The following GABRG3 variants were observed in gnomAD, a reference collection of about 807,000 sequenced individuals.
GABRG3 encodes the protein gamma-aminobutyric acid type A receptor subunit gamma3.
GABRG3 carries 25 observed loss-of-function variants against 48.8 expected under a neutral mutation model. The observed-to-expected ratio is 0.51, with a 90% CI of 0.37 to 0.72. The LOEUF (loss-of-function observed/expected upper bound fraction) is 0.72. Ranked by LOEUF, GABRG3 falls within the 30% of genes least tolerant of loss-of-function variation. GABRG3 has a pLI of 0.00. For missense variants in GABRG3, 394 were observed against 577.9 expected (o/e 0.68, Z 3.26); for synonymous variants, 227 against 217.6 (o/e 1.04, Z -0.38).
intron 6 of GABRG3, among the ~76,000 whole-genome samples, chr15:27,502,121 C>T (rs1890656379): frequency 6.6e-6 from 1 of 152,076 alleles, no homozygotes; most frequent in South Asian, 2.1e-4. Flanking sequence ...AATTAGATGG[C>T]TTAGGTCAAA....
chr15:27,523,958 T>TA (rs369136552), intron 7 of GABRG3, among the ~76,000 whole-genome samples: 1 of 151,586 alleles, frequency 6.6e-6, no homozygotes, highest in East Asian at 1.9e-4. Context: ...AGAATGGGGC[T>TA]AAAAAAAATA....
intron 5 of GABRG3, among the ~76,000 whole-genome samples, chr15:27,437,250 A>G (rs1888647778): frequency 6.6e-6 from 1 of 152,170 alleles, no homozygotes; most frequent in South Asian, 2.1e-4. Flanking sequence ...ACATGATTCA[A>G]TTTATTTGGC....
At chr15:27,080,323 A>G (rs974104796) in intron 3 of GABRG3, among the ~76,000 whole-genome samples, 11 of 151,990 alleles carry the variant, frequency 7.2e-5, no homozygotes, top group Admixed American at 6.6e-4. Flanking sequence ...TTAGCTGAAT[A>G]TGGTGGTGTG....
intron 1 of GABRG3, among the ~76,000 whole-genome samples, chr15:26,971,829 C>A (rs970391268): frequency 3.3e-5 from 5 of 152,164 alleles, no homozygotes; most frequent in Non-Finnish European, 7.3e-5. Context: ...CGTCTCCTGA[C>A]GCTTTTAGGA....
intron 3 of GABRG3, among the ~76,000 whole-genome samples, chr15:27,028,065 A>G (rs1337892309): frequency 6.6e-6 from 1 of 152,196 alleles, no homozygotes; most frequent in Non-Finnish European, 1.5e-5. Context: ...CTTTAACTTT[A>G]GAATTTACTT....
Position 27,528,001 on chromosome 15 carries a change from A to G in GABRG3, c.1122+9A>G. On this transcript the variant is annotated intron_variant, in intron 9 of 9. Coordinates refer to ENST00000615808, the MANE Select transcript of GABRG3 (RefSeq NM_033223.5). ...GCCTACAAGCCCCTTCCGTACGTAT[A>G]GCATTGCAGGTGCCAATATTTCTGA... is the stretch of plus-strand genomic sequence containing the variant. The G allele has an allele frequency of 6.3e-7, 1 of 1,586,242 alleles. No individual in the cohort carries two copies. The highest frequency in any genetic ancestry group is 8.6e-7 in the Non-Finnish European group (1 of 1,162,388).
chr15:27,281,144 C>G (rs182332150), intron 3 of GABRG3, among the ~76,000 whole-genome samples: 1 of 152,094 alleles, frequency 6.6e-6, no homozygotes. Context: ...TTGATTAATG[C>G]TTGCATGATA....
rs1490284805 is a variant in GABRG3, at chr15:26,976,031, G to A, written c.54-971G>A. Among the ~76,000 whole-genome samples the A allele has an allele frequency of 6.6e-6, 1 of 152,030 alleles. No homozygotes were observed. The highest frequency in any genetic ancestry group is 6.6e-5 in the Admixed American group (1 of 15,262). ...CCCAAATAACTATGGTGTTGAGACGGCCTCACTCATTGAGAAAACCAGCTT... is the reference window on the plus strand; with the variant it reads ...CCCAAATAACTATGGTGTTGAGACGACCTCACTCATTGAGAAAACCAGCTT... On this transcript the variant is annotated intron_variant, in intron 1 of 9. Transcript: ENST00000615808. This position sits in a 1 kb window ranked among gnomAD's most constrained non-coding sequence, Gnocchi z 7.8.
rs1307955245 is a variant in GABRG3 at position 27,535,029 on chromosome 15, A to T, written c.*2148A>T. On this transcript the variant is annotated 3_prime_UTR_variant, in exon 10 of 10. Coordinates refer to ENST00000615808, the MANE Select transcript of GABRG3 (RefSeq NM_033223.5). The stretch of plus-strand genomic sequence containing the variant: ...CTATTGGAGAATTTCACACTCTGGT[A>T]CTCTAGTTCTGTCTCTCATGCATAA... 6.6e-6 allele frequency: 1 copy of T among 152,128 alleles called. No individual in the cohort carries two copies. Among genetic ancestry groups the T allele is most frequent in the Non-Finnish European group, 1.5e-5 (1 of 68,034 alleles). The allele number at this position is 152,128 out of a possible 1,614,324, so 9.4% of individuals were successfully genotyped here.
At chr15:27,402,806 A>T (rs1320958951) in intron 5 of GABRG3, among the ~76,000 whole-genome samples, 1 of 152,244 alleles carries the variant, frequency 6.6e-6, no homozygotes. Context: ...AGCAACTAAC[A>T]GGAGGAGAGC....
Position 27,539,434 on chromosome 15 carries a change from G to T in GABRG3, c.*6553G>T, listed in dbSNP as rs1358745049. On this transcript the variant is annotated 3_prime_UTR_variant, in exon 10 of 10. Coordinates refer to ENST00000615808, the MANE Select transcript of GABRG3 (RefSeq NM_033223.5). The stretch of plus-strand genomic sequence containing the variant: ...CTAAGCTGCTTCTCTAATCTAAGGA[G>T]GTCTATTCGAAAGGATAGTGCTTGA... 6.6e-6 allele frequency: 1 copy of T among 152,122 alleles called. No individual in the cohort carries two copies. Among genetic ancestry groups the T allele is most frequent in the Non-Finnish European group, 1.5e-5 (1 of 68,024 alleles). 9.4% of individuals were successfully genotyped at this position (152,122 alleles called of 1,614,324 possible).
At chr15:27,172,523 G>A (rs10519588) in intron 3 of GABRG3, among the ~76,000 whole-genome samples, 59,307 of 151,906 alleles carry the variant, frequency 0.39, 12,446 homozygotes, top group African/African-American at 0.54. Flanking sequence ...CTGCACTTTT[G>A]CAAATTAAAC....
chr15:26,998,060 A>C (rs554596374), intron 2 of GABRG3, among the ~76,000 whole-genome samples: 1 of 152,146 alleles, frequency 6.6e-6, no homozygotes, highest in East Asian at 1.9e-4. Flanking sequence ...TTTTTCTCCA[A>C]TTGCTCCTGG....
intron 3 of GABRG3, among the ~76,000 whole-genome samples, chr15:27,144,153 A>G (rs963389347): frequency 3.3e-5 from 5 of 152,210 alleles, no homozygotes; most frequent in African/African-American, 1.2e-4. Flanking sequence ...GCAATTAACT[A>G]AAGGCTTGCA....
At chr15:27,350,947 G>A (rs1318417413) in intron 5 of GABRG3, among the ~76,000 whole-genome samples, 1 of 151,266 alleles carries the variant, frequency 6.6e-6, no homozygotes, top group Non-Finnish European at 1.5e-5. Context: ...GTGTGTGTAT[G>A]CTGTGTGTGC....
chr15:27,363,541 T>C (rs1327793750), intron 5 of GABRG3: 1 of 151,992 alleles, frequency 6.6e-6, no homozygotes, highest in Non-Finnish European at 1.5e-5. Context: ...CTGCTGGAGA[T>C]TGCCCTCGGG....
In GABRG3 at chr15:27,457,863, T is replaced by C. The variant is rs1889329918; in HGVS notation, c.575-22787T>C. 6.6e-6 allele frequency among the ~76,000 whole-genome samples: 1 copy of C among 152,220 alleles called. No individual in the cohort carries two copies. Among genetic ancestry groups the C allele is most frequent in the South Asian group, 2.1e-4 (1 of 4,838 alleles). On this transcript the variant is annotated intron_variant, in intron 5 of 9. Transcript: ENST00000615808. The surrounding 1 kb of genome is among the most constrained non-coding windows in gnomAD (Gnocchi z 4.4). ...ACTCAGGGAAACCATCAGCTTTCAA[T>C]TGGAGTGTTCTCCTGACTCCACATC...
At chr15:26,984,641 T>A (rs1174976898) in intron 2 of GABRG3, among the ~76,000 whole-genome samples, 1 of 152,124 alleles carries the variant, frequency 6.6e-6, no homozygotes, top group Non-Finnish European at 1.5e-5. Context: ...TTGGAACAGA[T>A]CTTGTCATGT....
At chr15:27,193,519 G>T (rs997670247) in intron 3 of GABRG3, among the ~76,000 whole-genome samples, 3 of 151,940 alleles carry the variant, frequency 2.0e-5, no homozygotes, top group Non-Finnish European at 4.4e-5. Context: ...AGGACCCTCC[G>T]AGCCAGGTGC....
Sources: allele counts gnomAD v4.1 joint callset (sites outside exome capture counted in the v4.1 genomes callset), GRCh38; gene constraint gnomAD v4.1.1; non-coding constraint Gnocchi (gnomAD v3.1); transcripts MANE v1.5; gene names NCBI Gene and HGNC (gene_info 2026-07-23, HGNC 2026-07-21).